Variants in GNAT3 observed in about 807,000 individuals in gnomAD.
GNAT3 encodes guanine nucleotide-binding protein G(t) subunit alpha-3.
Under a neutral mutation model 37.7 loss-of-function variants are expected in GNAT3, and 31 were observed. The observed-to-expected ratio is 0.82, with a 90% confidence interval of 0.62 to 1.11. GNAT3 has a LOEUF of 1.11. Among genes scored for constraint, GNAT3 ranks in the 50% most tolerant of loss-of-function variants. The pLI is 0.00. For synonymous variants in GNAT3, 138 were observed against 139.8 expected (o/e 0.99, Z 0.09); for missense variants, 437 against 412.5 (o/e 1.06, Z -0.51).
intron 5 of GNAT3, among the ~76,000 whole-genome samples, chr7:80,467,708 AG>A (rs1790148645): frequency 6.6e-6 from 1 of 152,088 alleles, no homozygotes; most frequent in Non-Finnish European, 1.5e-5. Context: ...CAAAACAAAA[AG>A]CTTTATTGTG....
chr7:80,486,823 G>A (rs1040510387), intron 3 of GNAT3, among the ~76,000 whole-genome samples: 3 of 151,366 alleles, frequency 2.0e-5, no homozygotes, highest in African/African-American at 2.4e-5. Flanking sequence ...ACAAACTCTG[G>A]GTTCTATGAA....
At chr7:80,481,435 G>A in intron 3 of GNAT3, among the ~76,000 whole-genome samples, 1 of 152,170 alleles carries the variant, frequency 6.6e-6, no homozygotes, top group African/African-American at 2.4e-5. Context: ...TAACTCACCC[G>A]CATTAACATT....
At chr7:80,474,921 T>G (rs181372802) in intron 4 of GNAT3, among the ~76,000 whole-genome samples, 6 of 152,276 alleles carry the variant, frequency 3.9e-5, no homozygotes, top group Non-Finnish European at 7.4e-5. Flanking sequence ...TTGAAGGTTG[T>G]TTGTTATTTT....
intron 1 of GNAT3, among the ~76,000 whole-genome samples, chr7:80,495,561 C>T (rs1377461847): frequency 2.0e-5 from 3 of 152,046 alleles, no homozygotes; most frequent in African/African-American, 7.2e-5. Flanking sequence ...CCTCCACCTC[C>T]TGGGTTCAAG....
chr7:80,470,538 A>G (rs966548511), intron 5 of GNAT3, among the ~76,000 whole-genome samples: 1 of 152,214 alleles, frequency 6.6e-6, no homozygotes, highest in Non-Finnish European at 1.5e-5. Context: ...TATCGTATCA[A>G]AATAATTTCT....
intron 1 of GNAT3, among the ~76,000 whole-genome samples, chr7:80,502,805 A>G (rs1169106691): frequency 6.6e-6 from 1 of 152,072 alleles, no homozygotes; most frequent in Non-Finnish European, 1.5e-5. Context: ...AGTGAATAAC[A>G]TAATCAACCA....
At chr7:80,466,743 G>A (rs1425927931) in intron 5 of GNAT3, among the ~76,000 whole-genome samples, 1 of 152,092 alleles carries the variant, frequency 6.6e-6, no homozygotes, top group Non-Finnish European at 1.5e-5. Flanking sequence ...AAGCATCTCT[G>A]AGATGAAAAT....
intron 3 of GNAT3, among the ~76,000 whole-genome samples, chr7:80,483,425 C>A (rs966331935): frequency 1.3e-5 from 2 of 151,958 alleles, no homozygotes; most frequent in African/African-American, 4.8e-5. Flanking sequence ...ATATATAACA[C>A]CAAAATGTAT....
In GNAT3 at chr7:80,493,569, C is replaced by A. The variant is rs1331936272; in HGVS notation, c.161+1036G>T. Among the ~76,000 whole-genome samples the A allele has an allele frequency of 2.0e-5, 3 of 151,926 alleles. No individual in the cohort carries two copies. The East Asian group carries it at 5.8e-4, about 29-fold the overall frequency. On this transcript the variant is annotated intron_variant, in intron 2 of 7. Coordinates refer to ENST00000398291, the MANE Select transcript of GNAT3 (RefSeq NM_001102386.3). ...TTAACATATAATTTAAAAATATGCT[C>A]AAAAATGGTCCTCCTCCTCTTCATC...
At chr7:80,506,018 T>C (rs1181790630) in intron 1 of GNAT3, among the ~76,000 whole-genome samples, 2 of 152,216 alleles carry the variant, frequency 1.3e-5, no homozygotes, top group African/African-American at 2.4e-5. Context: ...TTTTATTTTA[T>C]ATAAAACAGA....
intron 1 of GNAT3, among the ~76,000 whole-genome samples, chr7:80,504,159 T>C (rs1369299496): frequency 6.6e-6 from 1 of 151,888 alleles, no homozygotes; most frequent in Non-Finnish European, 1.5e-5. Flanking sequence ...CTACAAAAAA[T>C]AGGAAAATTA....
intron 4 of GNAT3, 124 bp from the exon 5 acceptor site, chr7:80,474,503 G>T (rs193069832): frequency 5.3e-6 from 2 of 380,324 alleles, no homozygotes; most frequent in African/African-American, 2.1e-5. Context: ...TTAACTTTGC[G>T]TTTGAAGAAA....
rs1050243133 is a variant in GNAT3 at position 80,488,685 on chromosome 7, T to G, written c.162-9A>C. On this transcript the variant is annotated splice_polypyrimidine_tract_variant and intron_variant, in intron 2 of 7. Coordinates refer to ENST00000398291, the MANE Select transcript of GNAT3 (RefSeq NM_001102386.3). ...CATTCTTATGGATGATCCTATAATT[T>G]AAACATGAAAAGTTTCTGTGAGTTG... 6.4e-7 allele frequency: 1 copy of G among 1,557,402 alleles called. No individual in the cohort carries two copies.
Position 80,491,848 on chromosome 7 carries a change from A to C in GNAT3, c.161+2757T>G, listed in dbSNP as rs73369047. ...CTACTGAGAAAAGGAAAGACAAAGC[A>C]GAACAGGAAACTTGCTCTTTTTAAA... On this transcript the variant is annotated intron_variant, in intron 2 of 7. Coordinates refer to ENST00000398291, the MANE Select transcript of GNAT3 (RefSeq NM_001102386.3). Among the ~76,000 whole-genome samples, 1,325 of 152,310 alleles carry C rather than the reference A, an allele frequency of 8.7e-3. 16 individuals carry two copies. Among genetic ancestry groups the C allele is most frequent in the African/African-American group, 0.03 (1,264 of 41,578 alleles).
At chr7:80,499,287 C>A (rs1001169425) in intron 1 of GNAT3, among the ~76,000 whole-genome samples, 2 of 152,158 alleles carry the variant, frequency 1.3e-5, no homozygotes, top group African/African-American at 4.8e-5. Flanking sequence ...ATATCGCTTT[C>A]TTTTTTAAGT....
chr7:80,476,095 A>T (rs1322958224), intron 4 of GNAT3, among the ~76,000 whole-genome samples: 2 of 152,056 alleles, frequency 1.3e-5, no homozygotes, highest in African/African-American at 2.4e-5. Context: ...AAACAAAAAA[A>T]ACCCAAAAAT....
At chr7:80,508,906 T>C (rs1374434334) in intron 1 of GNAT3, among the ~76,000 whole-genome samples, 1 of 152,080 alleles carries the variant, frequency 6.6e-6, no homozygotes, top group African/African-American at 2.4e-5. Flanking sequence ...AAAAAAAATC[T>C]GTCAAAAGTG....
intron 3 of GNAT3, among the ~76,000 whole-genome samples, chr7:80,485,388 T>C (rs143226174): frequency 2.6e-4 from 39 of 152,264 alleles, no homozygotes; most frequent in African/African-American, 8.9e-4. Flanking sequence ...TATGTAGATA[T>C]CAAATAGAAC....
intron 1 of GNAT3, among the ~76,000 whole-genome samples, chr7:80,497,635 C>CGTATAT: frequency 9.3e-6 from 1 of 107,124 alleles, no homozygotes; most frequent in Non-Finnish European, 1.9e-5. Context: ...TATACATATA[C>CGTATAT]GTATATACAT....
Sources: gnomAD v4.1 joint callset for allele counts (sites outside exome capture counted in the v4.1 genomes callset) on GRCh38, gnomAD v4.1.1 for gene constraint, MANE v1.5 for transcripts, NCBI Gene and HGNC (gene_info 2026-07-23, HGNC 2026-07-21) for gene names.